The following GTF2H1 variants were observed in gnomAD, a reference collection of about 807,000 sequenced individuals.
GTF2H1 encodes the protein general transcription factor IIH subunit 1, also known as BTF2 p62.
GTF2H1 carries 16 observed loss-of-function variants against 71.2 expected under a neutral mutation model. The observed-to-expected ratio is 0.22, with a 90% CI of 0.15 to 0.34. The LOEUF (loss-of-function observed/expected upper bound fraction) is 0.34. Among genes scored for constraint, GTF2H1 ranks in the 10% least tolerant of loss-of-function variants. GTF2H1 has a pLI of 1.00. For synonymous variants in GTF2H1, 215 were observed against 219.0 expected (o/e 0.98, Z 0.16); for missense variants, 498 against 648.2 (o/e 0.77, Z 2.52).
intron 14 of GTF2H1, among the ~76,000 whole-genome samples, chr11:18,364,023 G>C (rs2133994903): frequency 6.6e-6 from 1 of 152,052 alleles, no homozygotes; most frequent in East Asian, 1.9e-4. Flanking sequence ...GCAGTGAGCT[G>C]AGATCGTGCC....
At chr11:18,334,248 C>T (rs941930859) in intron 2 of GTF2H1, among the ~76,000 whole-genome samples, 3 of 152,098 alleles carry the variant, frequency 2.0e-5, no homozygotes, top group South Asian at 2.1e-4. Flanking sequence ...GGCATGGTGG[C>T]GGGCGCCTGT....
Position 18,352,449 on chromosome 11 carries a change from A to G in GTF2H1, c.1260+3A>G, listed in dbSNP as rs369226703. 73 of 1,158,594 alleles carry G rather than the reference A, an allele frequency of 6.3e-5. No individual in the cohort carries two copies. The Middle Eastern group carries it at 1.9e-3, about 31-fold the overall frequency. 71.8% of individuals were successfully genotyped at this position (1,158,594 alleles called of 1,614,324 possible). A position where few individuals can be genotyped will look rare whatever the true frequency, so the allele number is the denominator to read the frequency against. Reference sequence around the variant, plus strand: ...CTTATACACCCAAGTTAACTCAGGTAGGTGACTTCTACTGTTTGAAGGCCA... The same window carrying G: ...CTTATACACCCAAGTTAACTCAGGTGGGTGACTTCTACTGTTTGAAGGCCA... On this transcript the variant is annotated splice_donor_region_variant and intron_variant, in intron 11 of 14. Transcript: ENST00000265963.
In GTF2H1 at chr11:18,351,946, A is replaced by C; in HGVS notation, c.1119A>C (p.Ala373=). The C allele has an allele frequency of 6.3e-7, 1 of 1,592,722 alleles. No homozygotes were observed. Residue 373 remains alanine (A), a synonymous_variant, in exon 10 of 15, where the codon GCA becomes GCC. Coordinates refer to ENST00000265963, the MANE Select transcript of GTF2H1 (RefSeq NM_005316.4). ...AAAATAATTCTGTAAAAACGATTGC[A>C]CTAAACCTCAAGAAGTCAGATAGGT... ...LGKNNSVKTI[A]LNLKKSDRYY...
At chr11:18,323,003 A>G (rs532034864) in intron 1 of GTF2H1, among the ~76,000 whole-genome samples, 3 of 152,154 alleles carry the variant, frequency 2.0e-5, no homozygotes, top group Non-Finnish European at 4.4e-5. Flanking sequence ...GGCTTATGAG[A>G]ATGAAGTGGA....
Position 18,323,056 on chromosome 11 carries a change from C to T in GTF2H1, c.-16+316C>T, listed in dbSNP as rs922724133. ...GAAGCCCTTCCCGTCAGGAAATGTGCTGTTGAGTCTGGGATTCTGTAAGAG... is the reference window on the plus strand; with the variant it reads ...GAAGCCCTTCCCGTCAGGAAATGTGTTGTTGAGTCTGGGATTCTGTAAGAG... On this transcript the variant is annotated intron_variant, in intron 1 of 14. Transcript: ENST00000265963. Among the ~76,000 whole-genome samples, 8 of 152,164 alleles carry T rather than the reference C, an allele frequency of 5.3e-5. No individual in the cohort carries two copies. In the South Asian group the frequency reaches 1.7e-3, roughly 31 times the overall value.
intron 1 of GTF2H1, among the ~76,000 whole-genome samples, chr11:18,329,316 T>C (rs1413801473): frequency 1.3e-5 from 2 of 152,230 alleles, no homozygotes; most frequent in Admixed American, 6.5e-5. Context: ...TGTCCGGAAC[T>C]GAATTCCTTA....
intron 1 of GTF2H1, among the ~76,000 whole-genome samples, chr11:18,330,718 G>A (rs139225878): frequency 3.3e-5 from 5 of 152,268 alleles, no homozygotes; most frequent in African/African-American, 1.2e-4. Flanking sequence ...ATTCTAATTA[G>A]TATACACTAA....
rs1590192713 is a variant in GTF2H1, at chr11:18,348,047, T to A, written c.1053+128T>A. On this transcript the variant is annotated intron_variant, in intron 9 of 14. Coordinates refer to ENST00000265963, the MANE Select transcript of GTF2H1 (RefSeq NM_005316.4). ...TAACTAAGATGTTAAGCATTTGGCT[T>A]AAAGTGTATAGCATTACAAAGAGTA... The A allele has an allele frequency of 6.7e-6, 5 of 742,674 alleles. No individual in the cohort carries two copies. The East Asian group carries it at 1.1e-4, about 16-fold the overall frequency. 46.0% of individuals were successfully genotyped at this position (742,674 alleles called of 1,614,324 possible).
rs201251609 is a variant in GTF2H1 at position 18,352,436 on chromosome 11, A to G, written c.1250A>G (p.Lys417Arg). 2 of 1,332,436 alleles carry G rather than the reference A, an allele frequency of 1.5e-6. No homozygotes were observed. Among genetic ancestry groups the G allele is most frequent in the African/African-American group, 2.9e-5 (2 of 69,604 alleles). 82.5% of individuals were successfully genotyped at this position (1,332,436 alleles called of 1,614,324 possible). A position where few individuals can be genotyped will look rare whatever the true frequency, so the allele number is the denominator to read the frequency against. Residue 417 changes from lysine to arginine, a missense_variant, in exon 11 of 15, where the codon AAG (lysine) becomes AGG (arginine). Transcript: ENST00000265963. The part of the protein sequence containing the change: ...IRQEMEAYTP[K>R]LTQVLSSSAA... ...CAAGAAATGGAAGCTTATACACCCAAGTTAACTCAGGTAGGTGACTTCTAC... is the reference window on the plus strand; with the variant it reads ...CAAGAAATGGAAGCTTATACACCCAGGTTAACTCAGGTAGGTGACTTCTAC...
chr11:18,327,973 C>G (rs562616343), intron 1 of GTF2H1, among the ~76,000 whole-genome samples: 7 of 152,234 alleles, frequency 4.6e-5, no homozygotes, highest in Non-Finnish European at 8.8e-5. Flanking sequence ...CTTTGGGAGA[C>G]TGAGGCGGGG....
rs1865447338 is a variant in GTF2H1, at chr11:18,352,388, T to G, written c.1202T>G (p.Ile401Ser). ...SLQYATSQDI[I>S]NSFQSIRQEM... ...CAGTATGCAACAAGTCAGGACATTA[T>G]TAATTCTTTTCAAAGTATTAGACAA... is the stretch of plus-strand genomic sequence containing the variant. The change falls in exon 11 of 15, where the codon ATT becomes AGT. Residue 401 changes from isoleucine to serine, a missense_variant. Physicochemically the swap from Ile to Ser is moderately radical, Grantham distance 142 (BLOSUM62 -2). Coordinates refer to ENST00000265963, the MANE Select transcript of GTF2H1 (RefSeq NM_005316.4). 1 of 1,589,800 alleles carries G rather than the reference T, an allele frequency of 6.3e-7. No individual in the cohort carries two copies. Among genetic ancestry groups the G allele is most frequent in the Non-Finnish European group, 8.6e-7 (1 of 1,158,070 alleles).
chr11:18,358,980 TAAG>T (rs1278291051), intron 13 of GTF2H1, among the ~76,000 whole-genome samples: 2 of 152,168 alleles, frequency 1.3e-5, no homozygotes, highest in Non-Finnish European at 2.9e-5. Context: ...AAATCCAAAA[TAAG>T]AACTGACAAC....
intron 1 of GTF2H1, among the ~76,000 whole-genome samples, chr11:18,326,597 T>C (rs1172702585): frequency 1.3e-5 from 2 of 152,208 alleles, no homozygotes; most frequent in African/African-American, 4.8e-5. Flanking sequence ...CTTTGCAGTT[T>C]CTGTCTTCAT....
chr11:18,323,121 A>G (rs1564998882), intron 1 of GTF2H1, among the ~76,000 whole-genome samples: 1 of 152,054 alleles, frequency 6.6e-6, no homozygotes, highest in South Asian at 2.1e-4. Context: ...TTTTGCTTCC[A>G]CCTGTCAATC....
intron 7 of GTF2H1, among the ~76,000 whole-genome samples, chr11:18,345,940 G>A (rs1045236239): frequency 6.6e-6 from 1 of 151,862 alleles, no homozygotes; most frequent in African/African-American, 2.4e-5. Context: ...ACAGGCGTCC[G>A]CCACCTCGCC....
At chr11:18,351,817 A>T in intron 9 of GTF2H1, 64 bp from the exon 10 acceptor site, 1 of 872,162 alleles carries the variant, frequency 1.1e-6, no homozygotes, top group Non-Finnish European at 1.9e-6. Context: ...TTGTTTTTTC[A>T]GTCATGTTTA....
chr11:18,348,103 T>G, intron 9 of GTF2H1, 184 bp downstream of exon 9: 1 of 618,572 alleles, frequency 1.6e-6, no homozygotes, highest in Non-Finnish European at 2.9e-6. Flanking sequence ...CAGCCAACTT[T>G]CCATTGACTC....
At position 18,335,965 on chromosome 11, in the gene GTF2H1, C is replaced by G; in HGVS notation, c.347+19C>G. 1 of 1,594,918 alleles carries G rather than the reference C, an allele frequency of 6.3e-7. No homozygotes were observed. On this transcript the variant is annotated intron_variant, in intron 3 of 14. Coordinates refer to ENST00000265963, the MANE Select transcript of GTF2H1 (RefSeq NM_005316.4). ...AGAACAGGTGGGAGGAAAAGAATAG[C>G]CTTTTGAAAGAGATACTGGGTTCTC...
intron 7 of GTF2H1, among the ~76,000 whole-genome samples, chr11:18,345,446 G>A (rs1441131829): frequency 2.0e-5 from 3 of 151,186 alleles, no homozygotes; most frequent in Admixed American, 6.6e-5. Context: ...CGCATGTCAT[G>A]TAGTAATAAT....
Sources: gnomAD v4.1 joint callset for allele counts (sites outside exome capture counted in the v4.1 genomes callset) on GRCh38, gnomAD v4.1.1 for gene constraint, MANE v1.5 for transcripts, NCBI Gene and HGNC (gene_info 2026-07-23, HGNC 2026-07-21) for gene names.